CARMIL1: variants seen among roughly 807,000 people sequenced by gnomAD.
CARMIL1 encodes the protein capping protein regulator and myosin 1 linker 1, also known as F-actin-uncapping protein LRRC16A.
In CARMIL1, 90 loss-of-function variants were observed where a neutral mutation model predicts 177.1. The ratio of observed to expected loss-of-function variants is 0.51; its 90% confidence interval spans 0.43 to 0.61. The LOEUF (loss-of-function observed/expected upper bound fraction) is 0.61. CARMIL1 is among the 20% of genes least tolerant of loss of function. CARMIL1 has a pLI of 0.00. For missense variants in CARMIL1, 1,380 were observed against 1,667.0 expected, an observed-to-expected ratio of 0.83 and a Z score of 3.00; for synonymous variants, 577 against 606.2, an observed-to-expected ratio of 0.95 and a Z score of 0.71.
At chr6:25,613,106 A>C (rs1360903911) in intron 36 of CARMIL1, among the ~76,000 whole-genome samples, 6 of 152,222 alleles carry the variant, frequency 3.9e-5, no homozygotes, top group Admixed American at 2.0e-4. Flanking sequence ...AGAAATTCTT[A>C]TTAGGAAGAT....
intron 32 of CARMIL1, among the ~76,000 whole-genome samples, chr6:25,595,843 A>G (rs1814782275): frequency 6.6e-6 from 1 of 152,194 alleles, no homozygotes; most frequent in African/African-American, 2.4e-5. Context: ...TTTTTTCCCA[A>G]ATAGAATGCT....
At chr6:25,335,139 C>T (rs556691714) in intron 2 of CARMIL1, among the ~76,000 whole-genome samples, 4 of 152,278 alleles carry the variant, frequency 2.6e-5, no homozygotes, top group South Asian at 4.1e-4. Flanking sequence ...TTCAATGAAG[C>T]GTAGGAAGTC....
chr6:25,536,199 T>A (rs1266872814), intron 24 of CARMIL1, among the ~76,000 whole-genome samples: 1 of 152,174 alleles, frequency 6.6e-6, no homozygotes, highest in Non-Finnish European at 1.5e-5. Context: ...CTTGGTAAGA[T>A]ATGAATTATT....
intron 26 of CARMIL1, among the ~76,000 whole-genome samples, chr6:25,546,669 C>CAAAAAAAAAAAAAAAA (rs58285338): frequency 8.7e-6 from 1 of 115,520 alleles, no homozygotes; most frequent in African/African-American, 3.3e-5. Flanking sequence ...ACAACAACAA[C>CAAAAAAAAAAAAAAAA]AAAAAAAAAA....
At chr6:25,470,700 G>A (rs576819288) in intron 9 of CARMIL1, among the ~76,000 whole-genome samples, 3 of 152,328 alleles carry the variant, frequency 2.0e-5, no homozygotes, top group South Asian at 4.1e-4. Context: ...TGAGGGCACA[G>A]TTTCTTGTTC....
At chr6:25,341,406 C>T (rs1204156509) in intron 2 of CARMIL1, among the ~76,000 whole-genome samples, 1 of 152,218 alleles carries the variant, frequency 6.6e-6, no homozygotes. Context: ...CTCCTGTTGT[C>T]TATCTATCTT....
chr6:25,456,060 G>T (rs543663578), intron 8 of CARMIL1, among the ~76,000 whole-genome samples: 1 of 152,286 alleles, frequency 6.6e-6, no homozygotes, highest in South Asian at 2.1e-4. Context: ...TAGGCCCCGT[G>T]TTAGGACACT....
At chr6:25,291,252 T>G (rs575209699) in intron 2 of CARMIL1, among the ~76,000 whole-genome samples, 9 of 152,274 alleles carry the variant, frequency 5.9e-5, no homozygotes, top group African/African-American at 2.2e-4. Context: ...GGGTAACGTA[T>G]CCCTAAAATA....
At chr6:25,305,726 A>G (rs1002625081) in intron 2 of CARMIL1, among the ~76,000 whole-genome samples, 3 of 152,182 alleles carry the variant, frequency 2.0e-5, no homozygotes, top group African/African-American at 7.2e-5. Context: ...CACAAAATGA[A>G]GCAATACAAC....
intron 2 of CARMIL1, among the ~76,000 whole-genome samples, chr6:25,415,933 C>T (rs752420205): frequency 2.0e-4 from 28 of 140,586 alleles, no homozygotes; most frequent in Admixed American, 5.2e-4. Context: ...TGGAGCAAGA[C>T]GGGGTGGAGT....
At chr6:25,434,593 G>T (rs890939588) in intron 4 of CARMIL1, among the ~76,000 whole-genome samples, 1 of 146,808 alleles carries the variant, frequency 6.8e-6, no homozygotes, top group South Asian at 2.2e-4. Flanking sequence ...GCACGATCTC[G>T]GCTCCCTGCA....
chr6:25,366,292 T>C (rs1201514679), intron 2 of CARMIL1, among the ~76,000 whole-genome samples: 1 of 152,142 alleles, frequency 6.6e-6, no homozygotes. Context: ...CCACCATACA[T>C]GGCCTTTCAG....
intron 2 of CARMIL1, among the ~76,000 whole-genome samples, chr6:25,328,972 G>A (rs1299627941): frequency 6.6e-6 from 1 of 152,076 alleles, no homozygotes; most frequent in African/African-American, 2.4e-5. Context: ...TCTTAGGAGG[G>A]TCATATGTAT....
chr6:25,454,569 T>C (rs890176451), intron 8 of CARMIL1, among the ~76,000 whole-genome samples: 50 of 152,334 alleles, frequency 3.3e-4, no homozygotes, highest in African/African-American at 1.2e-3. Flanking sequence ...TTTTATGATA[T>C]GTGTATAAAT....
intron 2 of CARMIL1, among the ~76,000 whole-genome samples, chr6:25,293,265 G>GGGGTGTGT (rs758708389): frequency 7.4e-6 from 1 of 134,300 alleles, no homozygotes; most frequent in Admixed American, 7.6e-5. Context: ...AAGGATGCTT[G>GGGGTGTGT]GTGTGTGTGT....
At chr6:25,523,099 G>A (rs543156492) in intron 23 of CARMIL1, among the ~76,000 whole-genome samples, 36 of 152,276 alleles carry the variant, frequency 2.4e-4, no homozygotes, top group Middle Eastern at 6.8e-3. Flanking sequence ...ATGCCTGGTC[G>A]CTTGAATGCT....
intron 8 of CARMIL1, among the ~76,000 whole-genome samples, chr6:25,456,057 C>T (rs549672773): frequency 2.0e-5 from 3 of 152,096 alleles, no homozygotes; most frequent in Non-Finnish European, 2.9e-5. Context: ...ACATAGGCCC[C>T]GTGTTAGGAC....
rs1330468409 is a variant in CARMIL1, at chr6:25,537,840, T to C, written c.2068-15T>C. ...GGGCTGACTTGGATGCTTGCCTTTTTCTGGTTTGGAGCAGATGATTGACAG... is the reference window on the plus strand; with the variant it reads ...GGGCTGACTTGGATGCTTGCCTTTTCCTGGTTTGGAGCAGATGATTGACAG... On this transcript the variant is annotated splice_polypyrimidine_tract_variant and intron_variant, in intron 24 of 36. Transcript: ENST00000329474. The C allele has an allele frequency of 1.2e-6, 2 of 1,610,380 alleles. No homozygotes were observed. Among genetic ancestry groups the C allele is most frequent in the Non-Finnish European group, 1.7e-6 (2 of 1,178,530 alleles).
At chr6:25,427,512 T>C (rs1796378106) in intron 4 of CARMIL1, among the ~76,000 whole-genome samples, 1 of 152,220 alleles carries the variant, frequency 6.6e-6, no homozygotes, top group Non-Finnish European at 1.5e-5. Context: ...ATAAAGCTGC[T>C]ATGAATATTT....
Sources: allele counts gnomAD v4.1 joint callset (sites outside exome capture counted in the v4.1 genomes callset), GRCh38; gene constraint gnomAD v4.1.1; transcripts MANE v1.5; gene names NCBI Gene and HGNC (gene_info 2026-07-23, HGNC 2026-07-21).